NDST3: variants seen among roughly 807,000 people sequenced by gnomAD.
NDST3 encodes bifunctional heparan sulfate N-deacetylase/N-sulfotransferase 3.
A neutral mutation model predicts 96.1 loss-of-function variants in NDST3; 58 were observed. The observed-to-expected ratio is 0.60, with a 90% confidence interval of 0.49 to 0.75. The LOEUF is 0.75. NDST3 is among the 30% of genes least tolerant of loss of function. The pLI is 0.00. For synonymous variants in NDST3, 333 were observed against 359.7 expected, an observed-to-expected ratio of 0.93 and a Z score of 0.84; for missense variants, 788 against 1,034.2, an observed-to-expected ratio of 0.76 and a Z score of 3.27.
intron 2 of NDST3, among the ~76,000 whole-genome samples, chr4:118,079,749 A>G (rs1727859468): frequency 6.6e-6 from 1 of 152,218 alleles, no homozygotes; most frequent in Admixed American, 6.5e-5. Context: ...AATGGACTGT[A>G]GAAAAATAAT....
chr4:118,109,869 G>T (rs548698848), intron 3 of NDST3, among the ~76,000 whole-genome samples: 2 of 152,162 alleles, frequency 1.3e-5, no homozygotes, highest in Non-Finnish European at 2.9e-5. Context: ...TGTCAGAAGA[G>T]AGCTTTATCT....
intron 6 of NDST3, among the ~76,000 whole-genome samples, chr4:118,181,668 C>T (rs993041911): frequency 1.1e-4 from 17 of 152,138 alleles, no homozygotes; most frequent in Admixed American, 9.8e-4. Context: ...TATCAGATTT[C>T]GGCTGGGACA....
chr4:118,099,968 C>T (rs999898591), intron 2 of NDST3, among the ~76,000 whole-genome samples: 4 of 151,986 alleles, frequency 2.6e-5, no homozygotes, highest in Non-Finnish European at 5.9e-5. Flanking sequence ...AGTAAGTGTT[C>T]TTTAATCTGG....
intron 9 of NDST3, among the ~76,000 whole-genome samples, chr4:118,236,097 C>T (rs1365903577): frequency 6.6e-6 from 1 of 152,094 alleles, no homozygotes; most frequent in Non-Finnish European, 1.5e-5. Flanking sequence ...TATTGAACTA[C>T]CTTGTCTTGG....
chr4:118,053,905 T>C lies in NDST3; in HGVS notation c.-6T>C. 1 of 1,586,626 alleles carries C rather than the reference T, an allele frequency of 6.3e-7. No individual in the cohort carries two copies. Among genetic ancestry groups the C allele is most frequent in the Non-Finnish European group, 8.6e-7 (1 of 1,165,570 alleles). ...TGTTGGCATAGTTGGGGAAAGCACC[T>C]ACAACATGAGTTTTATCATGAAGCT... On this transcript the variant is annotated 5_prime_UTR_variant, in exon 2 of 14. Transcript: ENST00000296499.
At chr4:118,127,389 C>A (rs1380209648) in intron 4 of NDST3, among the ~76,000 whole-genome samples, 1 of 151,918 alleles carries the variant, frequency 6.6e-6, no homozygotes, top group Non-Finnish European at 1.5e-5. Context: ...GACAGGGGTT[C>A]AGCTTAATTT....
chr4:118,080,518 T>C (rs1355597387), intron 2 of NDST3, among the ~76,000 whole-genome samples: 2 of 152,198 alleles, frequency 1.3e-5, no homozygotes, highest in African/African-American at 2.4e-5. Flanking sequence ...ATGAATTCTT[T>C]ATTTCACTCT....
intron 4 of NDST3, among the ~76,000 whole-genome samples, chr4:118,131,419 C>T (rs1448329281): frequency 1.3e-5 from 2 of 151,900 alleles, no homozygotes; most frequent in Non-Finnish European, 2.9e-5. Context: ...CAATTTTCAA[C>T]TCTAGAATTT....
At chr4:118,089,182 AT>A (rs1275418699) in intron 2 of NDST3, among the ~76,000 whole-genome samples, 2 of 151,978 alleles carry the variant, frequency 1.3e-5, no homozygotes, top group Non-Finnish European at 2.9e-5. Flanking sequence ...GATATAATTT[AT>A]TTGGTAACAA....
chr4:118,162,575 C>T (rs1311660092), intron 6 of NDST3, among the ~76,000 whole-genome samples: 7 of 151,250 alleles, frequency 4.6e-5, no homozygotes, highest in Admixed American at 4.6e-4. Flanking sequence ...GGATCCCTTC[C>T]TTACACCTTA....
intron 1 of NDST3, among the ~76,000 whole-genome samples, chr4:118,047,308 G>A (rs1403932092): frequency 5.9e-5 from 9 of 152,164 alleles, no homozygotes; most frequent in Admixed American, 5.2e-4. Context: ...TCTTAGATGC[G>A]AAAGAATCAT....
At chr4:118,057,604 GAA>G (rs1337024192) in intron 2 of NDST3, among the ~76,000 whole-genome samples, 2 of 152,164 alleles carry the variant, frequency 1.3e-5, no homozygotes, top group East Asian at 1.9e-4. Context: ...TATAGCTTCA[GAA>G]AAAGTGTGAT....
At chr4:118,240,779 T>A in intron 11 of NDST3, 85 bp downstream of exon 11, 2 of 1,294,810 alleles carry the variant, frequency 1.5e-6, no homozygotes, top group Non-Finnish European at 1.1e-6. Flanking sequence ...TTTCAATTGT[T>A]AAACTATTAC....
chr4:118,091,085 A>C (rs1005156881), intron 2 of NDST3, among the ~76,000 whole-genome samples: 1 of 151,636 alleles, frequency 6.6e-6, no homozygotes, highest in Non-Finnish European at 1.5e-5. Flanking sequence ...AAATGCTGTT[A>C]GAATATGGAC....
Position 118,129,411 on chromosome 4 carries a change from G to C in NDST3, c.1225-8643G>C, listed in dbSNP as rs190529493. On this transcript the variant is annotated intron_variant, in intron 4 of 13. Transcript: ENST00000296499. ...TCCATTATCATTTCTTTTCCAGAAA[G>C]TTTTTCAATTTCCATCTTAATTTTT... Among the ~76,000 whole-genome samples, 540 of 151,892 alleles carry C rather than the reference G, an allele frequency of 3.6e-3. 1 individual carries two copies. The highest frequency in any genetic ancestry group is 6.2e-3 in the Non-Finnish European group (418 of 67,794).
chr4:118,221,559 G>C (rs984136018), intron 6 of NDST3, among the ~76,000 whole-genome samples: 2 of 151,916 alleles, frequency 1.3e-5, no homozygotes, highest in Admixed American at 1.3e-4. Context: ...CCCATACCTA[G>C]AGCTTAGTGG....
At chr4:118,184,656 C>G (rs974701733) in intron 6 of NDST3, among the ~76,000 whole-genome samples, 3 of 150,742 alleles carry the variant, frequency 2.0e-5, no homozygotes, top group Non-Finnish European at 3.0e-5. Context: ...TTCTCTGTCT[C>G]TGTTGGTTCT....
chr4:118,119,267 G>A (rs1181523903), intron 4 of NDST3, among the ~76,000 whole-genome samples: 1 of 152,070 alleles, frequency 6.6e-6, no homozygotes, highest in Non-Finnish European at 1.5e-5. Context: ...TTCCAATATG[G>A]AAATAAAGAT....
At chr4:118,090,378 C>G (rs2125829818) in intron 2 of NDST3, among the ~76,000 whole-genome samples, 1 of 152,050 alleles carries the variant, frequency 6.6e-6, no homozygotes. Flanking sequence ...AAGGCTCATT[C>G]TAAACTGGAA....
Sources: allele counts gnomAD v4.1 joint callset (sites outside exome capture counted in the v4.1 genomes callset), GRCh38; gene constraint gnomAD v4.1.1; transcripts MANE v1.5; gene names NCBI Gene and HGNC (gene_info 2026-07-23, HGNC 2026-07-21).